PDE4D: variants seen among roughly 807,000 people sequenced by gnomAD.
The protein encoded by PDE4D is 3',5'-cyclic-AMP phosphodiesterase 4D.
In PDE4D, 24 loss-of-function variants were observed where a neutral mutation model predicts 87.4. The ratio of observed to expected loss-of-function variants is 0.27; its 90% CI spans 0.20 to 0.39. PDE4D has a LOEUF of 0.39. PDE4D is among the 10% of genes least tolerant of loss of function. PDE4D has a pLI of 1.00. For synonymous variants in PDE4D, 384 were observed against 383.2 expected (o/e 1.00, Z -0.02); for missense variants, 714 against 1,041.0 (o/e 0.69, Z 4.32).
chr5:59,444,626 C>G (rs535446404), intron 1 of PDE4D, among the ~76,000 whole-genome samples: 1 of 152,234 alleles, frequency 6.6e-6, no homozygotes, highest in East Asian at 1.9e-4. Context: ...TCCTGGCTAA[C>G]ACGGTGAAAC....
At chr5:59,306,523 G>C (rs1392719497) in intron 1 of PDE4D, among the ~76,000 whole-genome samples, 1 of 151,936 alleles carries the variant, frequency 6.6e-6, no homozygotes, top group Admixed American at 6.6e-5. Flanking sequence ...ACGCTTTAAA[G>C]AGGTTCTGTG....
At chr5:59,720,316 G>T (rs1187892512) in intron 1 of PDE4D, among the ~76,000 whole-genome samples, 1 of 151,996 alleles carries the variant, frequency 6.6e-6, no homozygotes, top group Non-Finnish European at 1.5e-5. Context: ...ATCATGCCAG[G>T]CTAATTATGT....
chr5:60,011,172 T>C (rs1561976702), intron 2 of PDE4D, among the ~76,000 whole-genome samples: 1 of 152,142 alleles, frequency 6.6e-6, no homozygotes, highest in Non-Finnish European at 1.5e-5. Flanking sequence ...ATGTCATTTT[T>C]CATAGAGAAT....
At chr5:59,032,845 T>G (rs1211604261) in intron 6 of PDE4D, among the ~76,000 whole-genome samples, 1 of 152,210 alleles carries the variant, frequency 6.6e-6, no homozygotes, top group Non-Finnish European at 1.5e-5. Context: ...ATTTTCCCCT[T>G]TCATTATCGC....
intron 5 of PDE4D, among the ~76,000 whole-genome samples, chr5:59,082,998 G>T (rs367919291): frequency 1.2e-4 from 19 of 152,158 alleles, no homozygotes; most frequent in African/African-American, 4.6e-4. Flanking sequence ...GATTCCCGTT[G>T]CTTTGTTTTG....
chr5:60,274,174 G>T (rs1751119852), intron 1 of PDE4D, among the ~76,000 whole-genome samples: 1 of 150,486 alleles, frequency 6.6e-6, no homozygotes, highest in Non-Finnish European at 1.5e-5. Flanking sequence ...GATGATGGGG[G>T]TAGAGAAAAA....
chr5:60,320,670 C>G (rs1756167269), intron 1 of PDE4D, among the ~76,000 whole-genome samples: 1 of 152,116 alleles, frequency 6.6e-6, no homozygotes, highest in African/African-American at 2.4e-5. Context: ...TAGTCTCTGC[C>G]CAAAACCTCC....
intron 1 of PDE4D, among the ~76,000 whole-genome samples, chr5:59,297,839 G>C (rs948155993): frequency 1.1e-4 from 16 of 152,142 alleles, no homozygotes; most frequent in Non-Finnish European, 1.8e-4. Flanking sequence ...GCTGATAAAG[G>C]AAGGCAATTT....
At chr5:59,396,581 A>G (rs1181862690) in intron 1 of PDE4D, among the ~76,000 whole-genome samples, 4 of 86,426 alleles carry the variant, frequency 4.6e-5, no homozygotes, top group African/African-American at 5.7e-5. Context: ...TCCTGAAGGA[A>G]GCGCTAAACA....
At chr5:60,512,879 T>C (rs1750637152) in intron 1 of PDE4D, among the ~76,000 whole-genome samples, 1 of 152,116 alleles carries the variant, frequency 6.6e-6, no homozygotes. Flanking sequence ...TAAATAGATA[T>C]TGACTGTCTT....
intron 1 of PDE4D, among the ~76,000 whole-genome samples, chr5:59,769,032 C>T (rs1187456431): frequency 6.6e-6 from 1 of 151,962 alleles, no homozygotes; most frequent in Non-Finnish European, 1.5e-5. Flanking sequence ...TCCCTACAGT[C>T]CACGTTCATA....
chr5:59,803,502 G>A (rs549283644), intron 1 of PDE4D, among the ~76,000 whole-genome samples: 1 of 151,938 alleles, frequency 6.6e-6, no homozygotes, highest in East Asian at 1.9e-4. Flanking sequence ...TTTCACCATG[G>A]TGGCCAGGCT....
intron 1 of PDE4D, among the ~76,000 whole-genome samples, chr5:59,254,743 T>C (rs1175260013): frequency 1.3e-5 from 2 of 152,160 alleles, no homozygotes; most frequent in Admixed American, 1.3e-4. Context: ...AGCCCCCTTC[T>C]ACCTCAGATT....
In PDE4D at chr5:60,433,380, C is replaced by T. The variant is rs150867572; in HGVS notation, c.-90+54562G>A. On this transcript the variant is annotated intron_variant, in intron 1 of 16. Transcript: ENST00000502484. ...TCAAAACCACAATGAGATATCATCT[C>T]ACACCAGTCAGAATGGCTATTATTA... Among the ~76,000 whole-genome samples, 478 of 152,328 alleles carry T rather than the reference C, an allele frequency of 3.1e-3. 5 individuals carry two copies. Among genetic ancestry groups the T allele is most frequent in the African/African-American group, 0.011 (452 of 41,572 alleles).
At chr5:60,277,452 C>A (rs375231581) in intron 1 of PDE4D, among the ~76,000 whole-genome samples, 1 of 152,070 alleles carries the variant, frequency 6.6e-6, no homozygotes, top group Non-Finnish European at 1.5e-5. Flanking sequence ...TTTCTTTACA[C>A]CAATAATGAT....
At chr5:59,912,661 A>G (rs988290203) in intron 3 of PDE4D, among the ~76,000 whole-genome samples, 3 of 152,182 alleles carry the variant, frequency 2.0e-5, no homozygotes, top group African/African-American at 7.2e-5. Flanking sequence ...AGTCACTAAT[A>G]CAAATATGAA....
chr5:58,997,274 T>C (rs1050814476), intron 6 of PDE4D, among the ~76,000 whole-genome samples: 2 of 152,168 alleles, frequency 1.3e-5, no homozygotes, highest in Non-Finnish European at 2.9e-5. Flanking sequence ...CAACTGGTAG[T>C]TGATCTCACA....
At chr5:59,981,753 C>A (rs12517086) in intron 3 of PDE4D, among the ~76,000 whole-genome samples, 40,325 of 151,952 alleles carry the variant, frequency 0.27, 5,836 homozygotes, top group Admixed American at 0.35. Context: ...CCCTTATATC[C>A]AAATTATTTA....
chr5:59,175,776 C>A (rs1283816920), intron 5 of PDE4D, among the ~76,000 whole-genome samples: 2 of 131,182 alleles, frequency 1.5e-5, no homozygotes, highest in Non-Finnish European at 3.1e-5. Flanking sequence ...CCATGCCCGG[C>A]CTCCATTTTT....
Sources: gnomAD v4.1 joint callset for allele counts (sites outside exome capture counted in the v4.1 genomes callset) on GRCh38, gnomAD v4.1.1 for gene constraint, MANE v1.5 for transcripts, NCBI Gene and HGNC (gene_info 2026-07-23, HGNC 2026-07-21) for gene names.